The following UBAC2 variants were observed in gnomAD, a reference collection of about 807,000 sequenced individuals.
The protein encoded by UBAC2 is ubiquitin-associated domain-containing protein 2.
UBAC2 carries 26 observed loss-of-function variants against 44.0 expected under a neutral mutation model. The observed-to-expected ratio is 0.59, with a 90% CI of 0.43 to 0.82. The LOEUF is 0.82. Ranked by LOEUF, UBAC2 falls within the 40% of genes least tolerant of loss-of-function variation. UBAC2 has a pLI of 0.00. For missense variants in UBAC2, 329 were observed against 419.4 expected, an observed-to-expected ratio of 0.78 and a Z score of 1.88; for synonymous variants, 155 against 154.3, an observed-to-expected ratio of 1.00 and a Z score of -0.04.
At position 99,386,408 on chromosome 13, in the gene UBAC2, TAA is replaced by T. The variant is rs1375797027; in HGVS notation, c.*1075_*1076del. The T allele has an allele frequency of 6.6e-6, 1 of 152,260 alleles. No individual in the cohort carries two copies. Among genetic ancestry groups the T allele is most frequent in the Non-Finnish European group, 1.5e-5 (1 of 68,040 alleles). The allele number at this position is 152,260 out of a possible 1,614,324, so 9.4% of individuals were successfully genotyped here. ...CAAATTTAGATGTTGATACTTACAATAAAGTTTTTAATGTGTTTTACTCTTCA... is the reference window on the plus strand; with the variant it reads ...CAAATTTAGATGTTGATACTTACAATAGTTTTTAATGTGTTTTACTCTTCA... On this transcript the variant is annotated 3_prime_UTR_variant, in exon 9 of 9. Coordinates refer to ENST00000403766, the MANE Select transcript of UBAC2 (RefSeq NM_001144072.2).
chr13:99,320,384 A>G (rs555944395), intron 6 of UBAC2, among the ~76,000 whole-genome samples: 9 of 152,336 alleles, frequency 5.9e-5, no homozygotes, highest in African/African-American at 2.2e-4. Context: ...TTGTTTCAGA[A>G]GGGTGAATAG....
At position 99,201,324 on chromosome 13, in the gene UBAC2, T is replaced by C. The variant is rs531902249; in HGVS notation, c.31+385T>C. The C allele has an allele frequency of 1.4e-3, 2,131 of 1,507,554 alleles. 50 individuals are homozygous for C. In the South Asian group the frequency reaches 0.026, roughly 19 times the overall value. 93.4% of individuals were successfully genotyped at this position (1,507,554 alleles called of 1,614,324 possible). ...TCCCCCTTACCATGCCCCATTCTTTTAGGCTTGGGGGACCGAACTAACTCC... is the reference window on the plus strand; with the variant it reads ...TCCCCCTTACCATGCCCCATTCTTTCAGGCTTGGGGGACCGAACTAACTCC... On this transcript the variant is annotated intron_variant, in intron 1 of 8. Transcript: ENST00000403766.
intron 4 of UBAC2, among the ~76,000 whole-genome samples, chr13:99,248,216 C>G (rs2043412954): frequency 6.6e-6 from 1 of 151,908 alleles, no homozygotes; most frequent in East Asian, 2.0e-4. Context: ...GTCTTATTTC[C>G]TTTCTTTCTT....
intron 7 of UBAC2, among the ~76,000 whole-genome samples, chr13:99,345,243 A>C (rs1210596522): frequency 2.0e-5 from 3 of 152,230 alleles, no homozygotes; most frequent in Non-Finnish European, 2.9e-5. Flanking sequence ...GGAGGGAGGT[A>C]GTTTAAGCCT....
At chr13:99,232,888 G>C (rs932147775) in intron 1 of UBAC2, among the ~76,000 whole-genome samples, 2 of 152,166 alleles carry the variant, frequency 1.3e-5, no homozygotes, top group African/African-American at 2.4e-5. Context: ...GTTGCAGTCA[G>C]CTGAGATCAC....
chr13:99,200,903 G>T lies in UBAC2; in HGVS notation c.-6G>T. The T allele has an allele frequency of 1.5e-6, 2 of 1,304,144 alleles. No individual in the cohort carries two copies. The highest frequency in any genetic ancestry group is 9.8e-7 in the Non-Finnish European group (1 of 1,018,292). The allele number at this position is 1,304,144 out of a possible 1,614,324, so 80.8% of individuals were successfully genotyped here. ...CGCCCTCTGGGGCTCCGAGCCCGGCGGGACCATGTTCACCAGCACCGGCTC... is the reference window on the plus strand; with the variant it reads ...CGCCCTCTGGGGCTCCGAGCCCGGCTGGACCATGTTCACCAGCACCGGCTC... On this transcript the variant is annotated 5_prime_UTR_variant, in exon 1 of 9. Coordinates refer to ENST00000403766, the MANE Select transcript of UBAC2 (RefSeq NM_001144072.2).
rs773392323 is a variant in UBAC2 at position 99,238,512 on chromosome 13, G to C, written c.117G>C (p.Lys39Asn). 5 of 1,613,542 alleles carry C rather than the reference G, an allele frequency of 3.1e-6. No individual in the cohort carries two copies. Among genetic ancestry groups the C allele is most frequent in the Non-Finnish European group, 4.2e-6 (5 of 1,179,902 alleles). ...LLALLLPHCQ[K>N]LFVYDLHAVK... is the part of the protein sequence containing the mutation. ...CCCTCCTCCTGCCTCACTGCCAGAA[G>C]CTCTTTGTGTATGACCTTCACGCAG... is the stretch of plus-strand genomic sequence containing the variant. Residue 39 changes from lysine to asparagine, a missense_variant, in exon 2 of 9, where the codon AAG (lysine) becomes AAC (asparagine). By Grantham distance (94) the Lys-to-Asn change is moderately conservative. Coordinates refer to ENST00000403766, the MANE Select transcript of UBAC2 (RefSeq NM_001144072.2).
At chr13:99,239,380 A>C (rs1204876436) in intron 2 of UBAC2, among the ~76,000 whole-genome samples, 2 of 152,224 alleles carry the variant, frequency 1.3e-5, no homozygotes, top group East Asian at 3.8e-4. Flanking sequence ...CACCTGAAAA[A>C]ACTTCAAAGA....
chr13:99,268,321 C>T (rs2043769559), intron 4 of UBAC2, among the ~76,000 whole-genome samples: 1 of 152,080 alleles, frequency 6.6e-6, no homozygotes, highest in Non-Finnish European at 1.5e-5. Context: ...AAATATGAAA[C>T]ATAGAAGGAG....
At chr13:99,368,164 T>C (rs1036686442) in intron 8 of UBAC2, among the ~76,000 whole-genome samples, 2 of 152,102 alleles carry the variant, frequency 1.3e-5, no homozygotes, top group Non-Finnish European at 2.9e-5. Context: ...TTACACTTCA[T>C]ATATACAAGA....
At chr13:99,247,733 C>A (rs1344068097) in intron 4 of UBAC2, among the ~76,000 whole-genome samples, 2 of 152,158 alleles carry the variant, frequency 1.3e-5, no homozygotes, top group Non-Finnish European at 2.9e-5. Context: ...GCACATGTAT[C>A]CCCGGAACTT....
At chr13:99,247,222 T>C (rs1365001024) in intron 4 of UBAC2, among the ~76,000 whole-genome samples, 3 of 151,842 alleles carry the variant, frequency 2.0e-5, no homozygotes, top group Admixed American at 2.0e-4. Flanking sequence ...TTGTTTTGTT[T>C]TGTTTTTCTT....
chr13:99,352,171 G>C (rs2045103159), intron 7 of UBAC2, among the ~76,000 whole-genome samples: 1 of 152,066 alleles, frequency 6.6e-6, no homozygotes, highest in African/African-American at 2.4e-5. Context: ...AGTATTTACT[G>C]GTCCTTGATG....
intron 7 of UBAC2, among the ~76,000 whole-genome samples, chr13:99,361,039 A>G (rs2045258542): frequency 6.6e-6 from 1 of 152,172 alleles, no homozygotes; most frequent in African/African-American, 2.4e-5. Context: ...CCTGTAGAAC[A>G]TGGATTTCTG....
intron 7 of UBAC2, among the ~76,000 whole-genome samples, chr13:99,347,477 C>T (rs1168042438): frequency 1.3e-5 from 2 of 152,186 alleles, no homozygotes; most frequent in East Asian, 1.9e-4. Context: ...GTCAATATCA[C>T]TCTGTTCTGA....
intron 8 of UBAC2, among the ~76,000 whole-genome samples, chr13:99,371,051 AG>A (rs2045399300): frequency 6.6e-6 from 1 of 152,140 alleles, no homozygotes; most frequent in African/African-American, 2.4e-5. Context: ...CGTTAAGACG[AG>A]GTATTTAAAG....
At chr13:99,261,096 CCTGTT>C (rs1422442405) in intron 4 of UBAC2, among the ~76,000 whole-genome samples, 1 of 152,168 alleles carries the variant, frequency 6.6e-6, no homozygotes, top group Non-Finnish European at 1.5e-5. Context: ...AATAATATTT[CCTGTT>C]CTGTTAGCAT....
chr13:99,287,436 T>C (rs1029740992), intron 4 of UBAC2, among the ~76,000 whole-genome samples: 3 of 152,008 alleles, frequency 2.0e-5, no homozygotes, highest in Non-Finnish European at 2.9e-5. Flanking sequence ...TCTTTTTTTT[T>C]TAAATTTTGA....
intron 4 of UBAC2, chr13:99,255,861 C>G (rs1357534491): frequency 6.4e-7 from 1 of 1,560,856 alleles, no homozygotes; most frequent in Non-Finnish European, 8.6e-7. Context: ...CTTGATTGTT[C>G]AGGGTGATCA....
Sources: gnomAD v4.1 joint callset for allele counts (sites outside exome capture counted in the v4.1 genomes callset) on GRCh38, gnomAD v4.1.1 for gene constraint, MANE v1.5 for transcripts, NCBI Gene and HGNC (gene_info 2026-07-23, HGNC 2026-07-21) for gene names.